Variants in ZFR2 observed in about 807,000 individuals in gnomAD.
The protein encoded by ZFR2 is zinc finger RNA binding protein 2, also known as zinc finger RNA-binding protein 2.
Under a neutral mutation model 105.7 loss-of-function variants are expected in ZFR2, and 104 were observed. That is an observed-to-expected ratio of 0.98 (90% confidence interval 0.84 to 1.16). The LOEUF is 1.16. ZFR2 is among the 50% of genes most tolerant of loss of function. The probability of loss-of-function intolerance (pLI) is 0.00; values close to 1 mark genes in which losing one functional copy is unlikely to be tolerated. For synonymous variants in ZFR2, 634 were observed against 597.7 expected (o/e 1.06, Z -0.89); for missense variants, 1,425 against 1,355.5 (o/e 1.05, Z -0.80).
chr19:3,866,130 C>A (rs374558489), intron 1 of ZFR2, among the ~76,000 whole-genome samples: 1 of 152,150 alleles, frequency 6.6e-6, no homozygotes, highest in Non-Finnish European at 1.5e-5. Context: ...GCTGAGTCAC[C>A]GCGCCTGGCC....
chr19:3,860,550 G>A (rs2038361514), intron 1 of ZFR2, among the ~76,000 whole-genome samples: 1 of 152,134 alleles, frequency 6.6e-6, no homozygotes, highest in African/African-American at 2.4e-5. Flanking sequence ...TGGGACTGAT[G>A]GGCTTGTCCT....
rs148032971 is a variant in ZFR2, at chr19:3,813,780, G to A, written c.2242+40C>T. 0.016 allele frequency: 26,216 copies of A among 1,609,388 alleles called. 247 individuals are homozygous for A. The highest frequency in any genetic ancestry group is 0.019 in the Non-Finnish European group (21,966 of 1,177,470). On this transcript the variant is annotated intron_variant, in intron 14 of 18. Transcript: ENST00000262961. The surrounding 1 kb of genome is among the most constrained non-coding windows in gnomAD (Gnocchi z 4.4). ...GGTGTGGGGAGCGCCCTGGGGAAGC[G>A]TGAGGGGGACAGTGGTTGGAAGGAA... is the stretch of plus-strand genomic sequence containing the variant.
chr19:3,853,505 A>C (rs1037414555), intron 1 of ZFR2, among the ~76,000 whole-genome samples: 2 of 152,202 alleles, frequency 1.3e-5, no homozygotes, highest in Admixed American at 1.3e-4. Context: ...CACCAAAAAA[A>C]AAAATTACAC....
rs77413184 is a variant in ZFR2, at chr19:3,853,722, C to A, written c.53+15243G>T. ...AATGGAGATGGAGTTTCCTTTTGGG[C>A]CGATAGGAATGTTCTGGAATTTGAG... On this transcript the variant is annotated intron_variant, in intron 1 of 18. Coordinates refer to ENST00000262961, the MANE Select transcript of ZFR2 (RefSeq NM_015174.2). Among the ~76,000 whole-genome samples the A allele has an allele frequency of 1.1e-3, 167 of 152,154 alleles. 3 individuals are homozygous for A. In the East Asian group the frequency reaches 0.017, roughly 16 times the overall value.
At chr19:3,821,789 T>G (rs1251594350) in intron 9 of ZFR2, among the ~76,000 whole-genome samples, 5 of 151,946 alleles carry the variant, frequency 3.3e-5, no homozygotes, top group Admixed American at 6.6e-5. Flanking sequence ...AATTTTTGTA[T>G]TTTTAGTAAA....
chr19:3,825,920 T>A (rs1294741003), intron 6 of ZFR2, among the ~76,000 whole-genome samples: 2 of 152,082 alleles, frequency 1.3e-5, no homozygotes, highest in East Asian at 1.9e-4. Flanking sequence ...CTGGCAAAGG[T>A]TCCGTGTGCA....
chr19:3,866,057 GT>G (rs1169055765), intron 1 of ZFR2, among the ~76,000 whole-genome samples: 2 of 152,074 alleles, frequency 1.3e-5, no homozygotes, highest in African/African-American at 4.8e-5. Flanking sequence ...GGCCAGGCTG[GT>G]CTCGAACTCC....
At position 3,867,309 on chromosome 19, in the gene ZFR2, G is replaced by GGGGC. The variant is rs796179078; in HGVS notation, c.53+1655_53+1656insGCCC. 5.4e-3 allele frequency among the ~76,000 whole-genome samples: 817 copies of GGGGC among 151,688 alleles called. 7 individuals are homozygous for GGGGC. The highest frequency in any genetic ancestry group is 0.019 in the African/African-American group (796 of 41,310). ...ACGCGGAAATGATCAACTGTTGGGGGGGGAATCTGGTCCCCTCAGAGATGC... is the reference window on the plus strand; with the variant it reads ...ACGCGGAAATGATCAACTGTTGGGGGGGGCGGGAATCTGGTCCCCTCAGAGATGC... On this transcript the variant is annotated intron_variant, in intron 1 of 18. Transcript: ENST00000262961.
chr19:3,809,826 C>T (rs2037742271), intron 16 of ZFR2, among the ~76,000 whole-genome samples: 2 of 152,112 alleles, frequency 1.3e-5, no homozygotes, highest in South Asian at 4.1e-4. Context: ...TGCCTGTAAT[C>T]CCAGCTACTC....
Position 3,819,852 on chromosome 19 carries a change from C to CAAAAAAAAAAAAAAAAA in ZFR2, c.1740+329_1740+330insTTTTTTTTTTTTTTTTT, listed in dbSNP as rs1555754315. ...TGGGCGACAGAGTGAGACTCTGTCT[C>CAAAAAAAAAAAAAAAAA]AAAAAAAAATAGTTCCCATCGAACC... On this transcript the variant is annotated intron_variant, in intron 11 of 18. Coordinates refer to ENST00000262961, the MANE Select transcript of ZFR2 (RefSeq NM_015174.2). Among the ~76,000 whole-genome samples, 57 of 138,638 alleles carry CAAAAAAAAAAAAAAAAA rather than the reference C, an allele frequency of 4.1e-4. No individual in the cohort carries two copies. In the East Asian group the frequency reaches 7.7e-3, roughly 19 times the overall value. The allele number at this position is 138,638 out of a possible 152,430, so 91.0% of individuals were successfully genotyped here.
At position 3,823,039 on chromosome 19, in the gene ZFR2, C is replaced by T. The variant is rs2037912001; in HGVS notation, c.1371+207G>A. 6.6e-6 allele frequency among the ~76,000 whole-genome samples: 1 copy of T among 152,246 alleles called. No individual in the cohort carries two copies. Among genetic ancestry groups the T allele is most frequent in the African/African-American group, 2.4e-5 (1 of 41,472 alleles). Reference sequence around the variant, plus strand: ...TCTCTGGCCCTCACGGGGCCATATTCATTTCCTGCTGATACCAAAATCCGG... The same window carrying T: ...TCTCTGGCCCTCACGGGGCCATATTTATTTCCTGCTGATACCAAAATCCGG... On this transcript the variant is annotated intron_variant, in intron 8 of 18. Coordinates refer to ENST00000262961, the MANE Select transcript of ZFR2 (RefSeq NM_015174.2). The surrounding 1 kb of genome is among the most constrained non-coding windows in gnomAD (Gnocchi z 5.4).
intron 1 of ZFR2, among the ~76,000 whole-genome samples, chr19:3,848,465 C>T (rs2038204598): frequency 6.6e-6 from 1 of 152,104 alleles, no homozygotes; most frequent in Admixed American, 6.5e-5. Context: ...AATCCCAGCA[C>T]TCTGGGAGGC....
At position 3,823,247 on chromosome 19, in the gene ZFR2, T is replaced by C. The variant is rs768092464; in HGVS notation, c.1370A>G (p.Glu457Gly). 6 of 1,613,786 alleles carry C rather than the reference T, an allele frequency of 3.7e-6. No individual in the cohort carries two copies. The East Asian group carries it at 1.3e-4, about 36-fold the overall frequency. ...AQPVGPEYVE[E>G]VFSDEGRVLR... is the part of the protein sequence containing the mutation. ...CAGGACTTGACAGCCTCGACTTACCTCCTCCACATATTCCGGGCCCACCGG... is the reference window on the plus strand; with the variant it reads ...CAGGACTTGACAGCCTCGACTTACCCCCTCCACATATTCCGGGCCCACCGG... The change falls in exon 8 of 19, where the codon GAG becomes GGG. Residue 457 changes from glutamate (E) to glycine (G), a missense_variant and splice_region_variant. Transcript: ENST00000262961. This position sits in a 1 kb window ranked among gnomAD's most constrained non-coding sequence, Gnocchi z 5.4.
At chr19:3,819,886 C>T (rs917468204) in intron 11 of ZFR2, among the ~76,000 whole-genome samples, 6 of 144,960 alleles carry the variant, frequency 4.1e-5, no homozygotes, top group Non-Finnish European at 9.1e-5. Context: ...CCTGGGGGCT[C>T]GGGCTGCGGG....
chr19:3,830,573 G>A (rs2038001144), intron 5 of ZFR2, among the ~76,000 whole-genome samples: 1 of 152,166 alleles, frequency 6.6e-6, no homozygotes, highest in Non-Finnish European at 1.5e-5. Flanking sequence ...GGGGTCCTGA[G>A]CAGGGACCGG....
At chr19:3,806,833 C>G (rs1382421565) in intron 18 of ZFR2, among the ~76,000 whole-genome samples, 1 of 152,232 alleles carries the variant, frequency 6.6e-6, no homozygotes, top group African/African-American at 2.4e-5. Context: ...AACAAGGTAA[C>G]CACAGGTGAG....
At chr19:3,855,571 T>A in intron 1 of ZFR2, 1 of 665,396 alleles carries the variant, frequency 1.5e-6, no homozygotes, top group Non-Finnish European at 2.1e-6. Context: ...TGCGCGATAG[T>A]CCAGGGAGAC....
At chr19:3,835,490 C>CA (rs57533924) in intron 1 of ZFR2, among the ~76,000 whole-genome samples, 68,002 of 143,442 alleles carry the variant, frequency 0.47, 16,207 homozygotes, top group East Asian at 0.54. Context: ...CACGCCCAGC[C>CA]TTTTTTTTTT....
intron 18 of ZFR2, 65 bp downstream of exon 18, chr19:3,807,107 A>T (rs1026247843): frequency 1.6e-6 from 2 of 1,259,294 alleles, no homozygotes; most frequent in Non-Finnish European, 2.2e-6. Context: ...TTCGGGGAAC[A>T]CTGCACAGCT....
Sources: allele counts gnomAD v4.1 joint callset (sites outside exome capture counted in the v4.1 genomes callset), GRCh38; gene constraint gnomAD v4.1.1; non-coding constraint Gnocchi (gnomAD v3.1); transcripts MANE v1.5; gene names NCBI Gene and HGNC (gene_info 2026-07-23, HGNC 2026-07-21).